Variants in FANCC observed in about 807,000 individuals in gnomAD.
The protein encoded by FANCC is Fanconi anemia group C protein.
A neutral mutation model predicts 71.3 loss-of-function variants in FANCC; 55 were observed. The ratio of observed to expected loss-of-function variants is 0.77; its 90% CI spans 0.62 to 0.97. The LOEUF (loss-of-function observed/expected upper bound fraction) is 0.97, where lower values mean the gene tolerates loss of function less well. FANCC is among the 50% of genes least tolerant of loss of function. FANCC has a pLI of 0.00. For synonymous variants in FANCC, 275 were observed against 244.9 expected (o/e 1.12, Z -1.15); for missense variants, 678 against 670.9 (o/e 1.01, Z -0.12).
intron 4 of FANCC, among the ~76,000 whole-genome samples, chr9:95,218,018 AAAT>A (rs1379544277): frequency 6.6e-6 from 1 of 152,206 alleles, no homozygotes; most frequent in Admixed American, 6.5e-5. Context: ...TAAATGACAA[AAAT>A]TATTAAAACC....
At chr9:95,198,460 C>G (rs1234018488) in intron 4 of FANCC, among the ~76,000 whole-genome samples, 4 of 152,148 alleles carry the variant, frequency 2.6e-5, no homozygotes, top group Non-Finnish European at 5.9e-5. Flanking sequence ...GTTCTGGCAT[C>G]CTCTGACTTC....
chr9:95,165,651 T>A (rs892906196), intron 6 of FANCC, among the ~76,000 whole-genome samples: 1 of 152,118 alleles, frequency 6.6e-6, no homozygotes, highest in Admixed American at 6.5e-5. Flanking sequence ...ATAGTTACTA[T>A]GATTTCAGTC....
intron 1 of FANCC, among the ~76,000 whole-genome samples, chr9:95,308,812 A>G (rs1350972081): frequency 6.6e-6 from 1 of 152,202 alleles, no homozygotes; most frequent in African/African-American, 2.4e-5. Flanking sequence ...CTAGCTTTTA[A>G]TACCTTCAAA....
chr9:95,188,944 A>G (rs1167545946), intron 4 of FANCC, among the ~76,000 whole-genome samples: 1 of 152,158 alleles, frequency 6.6e-6, no homozygotes, highest in Non-Finnish European at 1.5e-5. Flanking sequence ...ATGATATTTT[A>G]AGTTCAAAAA....
At chr9:95,192,770 T>C (rs1018857349) in intron 4 of FANCC, among the ~76,000 whole-genome samples, 1 of 152,226 alleles carries the variant, frequency 6.6e-6, no homozygotes, top group Non-Finnish European at 1.5e-5. Flanking sequence ...TCCAGCTTCT[T>C]TGTCCAACCT....
intron 1 of FANCC, among the ~76,000 whole-genome samples, chr9:95,304,068 A>G (rs1834925154): frequency 6.6e-6 from 1 of 152,224 alleles, no homozygotes; most frequent in Non-Finnish European, 1.5e-5. Flanking sequence ...ACAATTCTAA[A>G]GGAAAATAAT....
intron 1 of FANCC, among the ~76,000 whole-genome samples, chr9:95,282,528 T>C (rs796173727): frequency 2.0e-4 from 30 of 152,286 alleles, no homozygotes; most frequent in African/African-American, 7.0e-4. Flanking sequence ...ACAGATCATT[T>C]AGACAGAAAG....
At chr9:95,293,876 A>T in intron 1 of FANCC, 1 of 1,607,298 alleles carries the variant, frequency 6.2e-7, no homozygotes, top group East Asian at 2.2e-5. Context: ...ACCAAGCTGG[A>T]ATGTGCAGAG....
At chr9:95,177,249 T>C (rs1398148824) in intron 4 of FANCC, among the ~76,000 whole-genome samples, 1 of 152,194 alleles carries the variant, frequency 6.6e-6, no homozygotes, top group Non-Finnish European at 1.5e-5. Flanking sequence ...TACTGTAACA[T>C]TGTGATCTAA....
chr9:95,206,551 T>C (rs1828132507), intron 4 of FANCC, among the ~76,000 whole-genome samples: 1 of 152,234 alleles, frequency 6.6e-6, no homozygotes, highest in East Asian at 1.9e-4. Flanking sequence ...CATTACGCTT[T>C]CAATTTTCAC....
chr9:95,254,085 T>G (rs1831514808), intron 1 of FANCC, among the ~76,000 whole-genome samples: 1 of 152,106 alleles, frequency 6.6e-6, no homozygotes, highest in Non-Finnish European at 1.5e-5. Context: ...GAACCCTGCT[T>G]TAGAGGAAAG....
intron 4 of FANCC, among the ~76,000 whole-genome samples, chr9:95,220,596 T>A (rs1480216293): frequency 6.6e-6 from 1 of 152,148 alleles, no homozygotes; most frequent in Non-Finnish European, 1.5e-5. Flanking sequence ...GAAACCATCA[T>A]TCTGAGCAAG....
chr9:95,150,649 C>G (rs571383855), intron 6 of FANCC, among the ~76,000 whole-genome samples: 1 of 152,218 alleles, frequency 6.6e-6, no homozygotes, highest in African/African-American at 2.4e-5. Context: ...GATCACAACA[C>G]TTGTCTGCTC....
At chr9:95,109,014 T>A (rs1165161474) in intron 13 of FANCC, among the ~76,000 whole-genome samples, 1 of 152,058 alleles carries the variant, frequency 6.6e-6, no homozygotes, top group South Asian at 2.1e-4. Flanking sequence ...CAAGCGATCC[T>A]TCCATCTATC....
chr9:95,312,536 G>C lies in FANCC; in HGVS notation c.-79+4990C>G, dbSNP rs576096652. 2.0e-5 allele frequency among the ~76,000 whole-genome samples: 3 copies of C among 152,306 alleles called. No homozygotes were observed. The South Asian group carries it at 6.2e-4, about 32-fold the overall frequency. On this transcript the variant is annotated intron_variant, in intron 1 of 14. Coordinates refer to ENST00000289081, the MANE Select transcript of FANCC (RefSeq NM_000136.3). ...CCCAGATAATTTCGTGTTTTCTGTA[G>C]AACAGGGGTTTTGCTATGTTGCCCA...
intron 4 of FANCC, among the ~76,000 whole-genome samples, chr9:95,235,844 CA>C (rs10666439): frequency 6.1e-4 from 22 of 36,226 alleles, no homozygotes; most frequent in African/African-American, 2.6e-3. Context: ...AACTCCACCT[CA>C]AAAAAAAAAA....
chr9:95,191,592 A>T (rs1390333426), intron 4 of FANCC, among the ~76,000 whole-genome samples: 1 of 152,046 alleles, frequency 6.6e-6, no homozygotes, highest in African/African-American at 2.4e-5. Context: ...AGCTTGCCTG[A>T]CATCTGCAAC....
In FANCC at chr9:95,100,945, CAGG is replaced by C. The variant is rs1257911475; in HGVS notation, c.*759_*761del. 2.6e-5 allele frequency: 6 copies of C among 233,134 alleles called. No homozygotes were observed. The highest frequency in any genetic ancestry group is 1.3e-4 in the African/African-American group (6 of 45,342). The allele number at this position is 233,134 out of a possible 1,614,324, so 14.4% of individuals were successfully genotyped here. A position where few individuals can be genotyped will look rare whatever the true frequency, so the allele number is the denominator to read the frequency against. On this transcript the variant is annotated 3_prime_UTR_variant, in exon 15 of 15. Coordinates refer to ENST00000289081, the MANE Select transcript of FANCC (RefSeq NM_000136.3). ...GCACCCAGCCAGGCCAATTCTTTAT[CAGG>C]AATTTCCAATTCCCATTTCCATTTA...
At chr9:95,298,626 A>G (rs1834541083) in intron 1 of FANCC, among the ~76,000 whole-genome samples, 1 of 152,220 alleles carries the variant, frequency 6.6e-6, no homozygotes, top group African/African-American at 2.4e-5. Flanking sequence ...AACGTCTTGT[A>G]CCCAGGGAGA....
Sources: allele counts gnomAD v4.1 joint callset (sites outside exome capture counted in the v4.1 genomes callset), GRCh38; gene constraint gnomAD v4.1.1; transcripts MANE v1.5; gene names NCBI Gene and HGNC (gene_info 2026-07-23, HGNC 2026-07-21).